Variants in DENND6A observed in about 807,000 individuals in gnomAD.
DENND6A encodes protein DENND6A.
A neutral mutation model predicts 95.5 loss-of-function variants in DENND6A; 43 were observed. The ratio of observed to expected loss-of-function variants is 0.45; its 90% confidence interval spans 0.35 to 0.58. DENND6A has a LOEUF of 0.58. Ranked by LOEUF, DENND6A falls within the 20% of genes least tolerant of loss-of-function variation. The pLI, the probability that DENND6A is intolerant of heterozygous loss-of-function variation, is 0.00. For synonymous variants in DENND6A, 257 were observed against 260.4 expected (o/e 0.99, Z 0.13); for missense variants, 574 against 736.0 (o/e 0.78, Z 2.55).
chr3:57,666,524 A>G (rs1005040826), intron 3 of DENND6A, among the ~76,000 whole-genome samples: 6 of 152,238 alleles, frequency 3.9e-5, no homozygotes, highest in Admixed American at 2.6e-4. Context: ...ATATCTGCAT[A>G]TAATGTTGAC....
chr3:57,641,407 AAGTG>A, intron 12 of DENND6A, among the ~76,000 whole-genome samples: 1 of 146,956 alleles, frequency 6.8e-6, no homozygotes, highest in Admixed American at 6.9e-5. Context: ...ATAATTCTAT[AAGTG>A]TTATATTATT....
At position 57,661,429 on chromosome 3, in the gene DENND6A, G is replaced by C. The variant is rs764579505; in HGVS notation, c.619+17C>G. The C allele has an allele frequency of 2.6e-6, 4 of 1,517,472 alleles. No homozygotes were observed. In the South Asian group the frequency reaches 5.2e-5, roughly 20 times the overall value. The allele number at this position is 1,517,472 out of a possible 1,614,324, so 94.0% of individuals were successfully genotyped here. On this transcript the variant is annotated intron_variant, in intron 6 of 19. Transcript: ENST00000311128. ...AAAATTTTAAAACTCCTGCATAAAG[G>C]TATATGTTAAACTTACCTGCTTCCA...
intron 12 of DENND6A, among the ~76,000 whole-genome samples, chr3:57,639,818 C>T (rs138537477): frequency 1.3e-5 from 2 of 152,146 alleles, no homozygotes; most frequent in Non-Finnish European, 2.9e-5. Context: ...TCAGTAAGAC[C>T]GAGTCCAGAA....
At chr3:57,690,557 A>AC (rs2077254169) in intron 1 of DENND6A, among the ~76,000 whole-genome samples, 1 of 150,968 alleles carries the variant, frequency 6.6e-6, no homozygotes. Context: ...GGTGACATGC[A>AC]CCTGTAGTCC....
chr3:57,673,447 G>A (rs7433968), intron 1 of DENND6A, among the ~76,000 whole-genome samples: 1 of 151,854 alleles, frequency 6.6e-6, no homozygotes, highest in African/African-American at 2.4e-5. Flanking sequence ...TGAGAGGGGG[G>A]AATAAAGAAC....
Position 57,692,941 on chromosome 3 carries a change from G to A in DENND6A, c.78C>T (p.Gly26=), listed in dbSNP as rs539723065. The A allele has an allele frequency of 5.8e-4, 897 of 1,553,528 alleles. 14 individuals are homozygous for A. The South Asian group carries it at 0.01, about 17-fold the overall frequency. The change falls in exon 1 of 20, where the codon GGC becomes GGT. Residue 26 remains glycine, a synonymous_variant. Coordinates refer to ENST00000311128, the MANE Select transcript of DENND6A (RefSeq NM_152678.3). ...PLDEAVAGAE[G]REAPALVAAG... ...CCGCCACAAGGGCCGGCGCCTCGCG[G>A]CCCTCGGCCCCTGCCACCGCTTCGT...
chr3:57,681,639 A>G (rs1483300928), intron 1 of DENND6A, among the ~76,000 whole-genome samples: 1 of 147,192 alleles, frequency 6.8e-6, no homozygotes, highest in East Asian at 2.0e-4. Context: ...AAAAAAAAAG[A>G]AAGAAAGAAA....
chr3:57,672,025 T>C (rs185992410), intron 3 of DENND6A, among the ~76,000 whole-genome samples: 4 of 152,210 alleles, frequency 2.6e-5, no homozygotes. Context: ...TTCACTATTT[T>C]AAGAGTTTAT....
intron 16 of DENND6A, 34 bp downstream of exon 16, chr3:57,630,891 T>TA: frequency 6.2e-7 from 1 of 1,611,538 alleles, no homozygotes; most frequent in South Asian, 1.1e-5. Flanking sequence ...TAATTACAGT[T>TA]AGAGGACCCA....
chr3:57,667,421 T>C (rs1409127686), intron 3 of DENND6A, among the ~76,000 whole-genome samples: 1 of 151,292 alleles, frequency 6.6e-6, no homozygotes, highest in Non-Finnish European at 1.5e-5. Context: ...CCTCCCAAAG[T>C]GCTGGGATTA....
intron 9 of DENND6A, among the ~76,000 whole-genome samples, chr3:57,656,500 G>A (rs1158150268): frequency 6.6e-6 from 1 of 152,006 alleles, no homozygotes; most frequent in Admixed American, 6.6e-5. Flanking sequence ...TTTGCATACA[G>A]GTCTTCATGT....
intron 9 of DENND6A, among the ~76,000 whole-genome samples, chr3:57,648,814 A>G (rs2071133352): frequency 6.6e-6 from 1 of 152,210 alleles, no homozygotes; most frequent in Admixed American, 6.5e-5. Context: ...GGCAAGCCAC[A>G]TGTAGAAGAA....
intron 3 of DENND6A, among the ~76,000 whole-genome samples, chr3:57,671,932 G>T (rs1484823786): frequency 6.6e-6 from 1 of 152,140 alleles, no homozygotes; most frequent in Non-Finnish European, 1.5e-5. Context: ...ATTCTGAACT[G>T]AAAGTAAACT....
At chr3:57,673,519 A>G (rs1342075525) in intron 1 of DENND6A, among the ~76,000 whole-genome samples, 1 of 152,200 alleles carries the variant, frequency 6.6e-6, no homozygotes, top group African/African-American at 2.4e-5. Context: ...TGGTAGCACA[A>G]TAGGACAACC....
intron 11 of DENND6A, among the ~76,000 whole-genome samples, chr3:57,644,388 C>G (rs2071020846): frequency 6.6e-6 from 1 of 151,880 alleles, no homozygotes; most frequent in Admixed American, 6.6e-5. Flanking sequence ...TCACTGCAAC[C>G]TCTGCCTCCT....
In DENND6A at chr3:57,641,188, T is replaced by C. The variant is rs140028325; in HGVS notation, c.1132+465A>G. 5.8e-3 allele frequency among the ~76,000 whole-genome samples: 832 copies of C among 144,658 alleles called. 28 individuals are homozygous for C. Among genetic ancestry groups the C allele is most frequent in the Admixed American group, 0.047 (662 of 14,106 alleles). The allele number at this position is 144,658 out of a possible 152,430, so 94.9% of individuals were successfully genotyped here. A position where few individuals can be genotyped will look rare whatever the true frequency, so the allele number is the denominator to read the frequency against. ...ATATATAGTATATTTAAATATATATTTATATATATTTAAATATTTAAGTAA... is the reference window on the plus strand; with the variant it reads ...ATATATAGTATATTTAAATATATATCTATATATATTTAAATATTTAAGTAA... On this transcript the variant is annotated intron_variant, in intron 12 of 19. Transcript: ENST00000311128.
At chr3:57,682,646 G>C (rs535335757) in intron 1 of DENND6A, among the ~76,000 whole-genome samples, 4 of 151,936 alleles carry the variant, frequency 2.6e-5, no homozygotes, top group Non-Finnish European at 5.9e-5. Flanking sequence ...TTTTCACTTA[G>C]TCTCTGGACC....
intron 1 of DENND6A, among the ~76,000 whole-genome samples, chr3:57,681,809 T>C (rs1370925892): frequency 1.3e-5 from 2 of 152,224 alleles, no homozygotes; most frequent in East Asian, 1.9e-4. Context: ...ATGAAAAGCA[T>C]ACAGACAGAA....
At chr3:57,628,438 A>G in intron 19 of DENND6A, 93 bp from the exon 20 acceptor site, 1 of 1,459,140 alleles carries the variant, frequency 6.9e-7, no homozygotes, top group Non-Finnish European at 9.1e-7. Context: ...AAGGTCTAAC[A>G]ATTAGATACT....
Sources: gnomAD v4.1 joint callset for allele counts (sites outside exome capture counted in the v4.1 genomes callset) on GRCh38, gnomAD v4.1.1 for gene constraint, MANE v1.5 for transcripts, NCBI Gene and HGNC (gene_info 2026-07-23, HGNC 2026-07-21) for gene names.